Variants in SYNPR observed in about 807,000 individuals in gnomAD.
SYNPR encodes synaptoporin.
Under a neutral mutation model 32.9 loss-of-function variants are expected in SYNPR, and 23 were observed. The observed-to-expected ratio is 0.70, with a 90% confidence interval of 0.50 to 0.99. The LOEUF is 0.99. SYNPR is among the 50% of genes least tolerant of loss of function. The pLI is 0.00. For missense variants in SYNPR, 318 were observed against 349.3 expected (o/e 0.91, Z 0.71); for synonymous variants, 146 against 135.9 (o/e 1.07, Z -0.52).
chr3:63,518,839 G>T (rs749195826), intron 3 of SYNPR, among the ~76,000 whole-genome samples: 4 of 152,034 alleles, frequency 2.6e-5, no homozygotes, highest in African/African-American at 9.7e-5. Flanking sequence ...TATACCCAAG[G>T]AATATAAATT....
At chr3:63,420,817 A>G (rs936524664) in intron 2 of SYNPR, among the ~76,000 whole-genome samples, 1 of 152,208 alleles carries the variant, frequency 6.6e-6, no homozygotes, top group Non-Finnish European at 1.5e-5. Context: ...TAAAGAACTT[A>G]TAAATCAGTG....
chr3:63,571,234 T>G (rs1702880067), intron 4 of SYNPR, among the ~76,000 whole-genome samples: 1 of 152,188 alleles, frequency 6.6e-6, no homozygotes, highest in African/African-American at 2.4e-5. Flanking sequence ...AAAGTTTTAC[T>G]GTTGTGCACT....
Position 63,352,295 on chromosome 3 carries a change from C to A in SYNPR, c.84+73553C>A, listed in dbSNP as rs535731512. ...GGAAGGATTCTTGAAAATCCTCTCACCCAGTTCTCGAAGTGAATAAAAGAA... is the reference window on the plus strand; with the variant it reads ...GGAAGGATTCTTGAAAATCCTCTCAACCAGTTCTCGAAGTGAATAAAAGAA... On this transcript the variant is annotated intron_variant, in intron 2 of 5. Coordinates refer to ENST00000478300, the MANE Select transcript of SYNPR (RefSeq NM_001130003.2). 3.9e-5 allele frequency among the ~76,000 whole-genome samples: 6 copies of A among 152,098 alleles called. No homozygotes were observed. The South Asian group carries it at 1.0e-3, about 26-fold the overall frequency.
intron 3 of SYNPR, among the ~76,000 whole-genome samples, chr3:63,501,728 G>T (rs1359113892): frequency 1.3e-5 from 2 of 152,030 alleles, no homozygotes; most frequent in African/African-American, 4.8e-5. Flanking sequence ...AGAAAATTCT[G>T]TATCTAATCA....
At chr3:63,477,879 GC>G (rs1370212467) in intron 2 of SYNPR, among the ~76,000 whole-genome samples, 1 of 152,224 alleles carries the variant, frequency 6.6e-6, no homozygotes, top group Non-Finnish European at 1.5e-5. Context: ...GCGGCTTTGA[GC>G]CAAGTATGAG....
intron 3 of SYNPR, among the ~76,000 whole-genome samples, chr3:63,555,019 A>T (rs1702571227): frequency 6.6e-6 from 1 of 151,978 alleles, no homozygotes; most frequent in African/African-American, 2.4e-5. Flanking sequence ...CAGCCTGGAC[A>T]TTATTGGTGT....
chr3:63,331,004 T>A (rs2087223536), intron 2 of SYNPR, among the ~76,000 whole-genome samples: 3 of 152,322 alleles, frequency 2.0e-5, no homozygotes, highest in Admixed American at 1.3e-4. Context: ...AGTTCACACT[T>A]GTACAGGTAA....
At chr3:63,565,840 C>T (rs978634813) in intron 4 of SYNPR, among the ~76,000 whole-genome samples, 1 of 152,208 alleles carries the variant, frequency 6.6e-6, no homozygotes, top group South Asian at 2.1e-4. Context: ...CTCTACCTGT[C>T]ACCGTGTTCA....
chr3:63,241,672 G>C (rs2086245024), intron 1 of SYNPR, among the ~76,000 whole-genome samples: 1 of 152,018 alleles, frequency 6.6e-6, no homozygotes, highest in Non-Finnish European at 1.5e-5. Context: ...AAGTGTAAGA[G>C]GAAAGCTAAG....
intron 3 of SYNPR, among the ~76,000 whole-genome samples, chr3:63,542,438 T>C (rs1156633441): frequency 6.6e-6 from 1 of 152,110 alleles, no homozygotes; most frequent in Non-Finnish European, 1.5e-5. Context: ...TAAGCCTCAG[T>C]CTCTGACTTC....
At chr3:63,446,552 A>G (rs1341910754) in intron 2 of SYNPR, among the ~76,000 whole-genome samples, 1 of 152,190 alleles carries the variant, frequency 6.6e-6, no homozygotes, top group Non-Finnish European at 1.5e-5. Flanking sequence ...CTGACATAGA[A>G]TCAATAAGGT....
chr3:63,401,015 G>A (rs1449575216), intron 2 of SYNPR, among the ~76,000 whole-genome samples: 3 of 151,784 alleles, frequency 2.0e-5, no homozygotes, highest in Admixed American at 1.3e-4. Context: ...TGGGGGTATA[G>A]GAATTAGATG....
intron 2 of SYNPR, among the ~76,000 whole-genome samples, chr3:63,286,344 G>C (rs2086681095): frequency 6.6e-6 from 1 of 152,166 alleles, no homozygotes; most frequent in Non-Finnish European, 1.5e-5. Context: ...ACAATCCATA[G>C]ACAATTTCGT....
At chr3:63,522,258 T>A (rs1009737566) in intron 3 of SYNPR, among the ~76,000 whole-genome samples, 3 of 152,212 alleles carry the variant, frequency 2.0e-5, no homozygotes, top group African/African-American at 7.2e-5. Flanking sequence ...CGTTCCAGTT[T>A]TATTGCTTCC....
At chr3:63,224,826 T>A (rs1351230271), upstream of SYNPR, among the ~76,000 whole-genome samples, 1 of 152,210 alleles carries the variant, frequency 6.6e-6, no homozygotes, top group Non-Finnish European at 1.5e-5. Flanking sequence ...ACAATTGTCC[T>A]TGACAGCATT....
At chr3:63,229,828 T>G (rs1321900708) in intron 1 of SYNPR, among the ~76,000 whole-genome samples, 1 of 90,462 alleles carries the variant, frequency 1.1e-5, no homozygotes, top group African/African-American at 5.9e-5. Context: ...TTTTGGCCAT[T>G]ACTTTTAATG....
At chr3:63,412,076 G>T (rs934503731) in intron 2 of SYNPR, among the ~76,000 whole-genome samples, 1 of 152,066 alleles carries the variant, frequency 6.6e-6, no homozygotes, top group African/African-American at 2.4e-5. Context: ...TGGAGATAGA[G>T]TTAGGAAGCA....
intron 2 of SYNPR, among the ~76,000 whole-genome samples, chr3:63,416,389 A>T (rs1490947579): frequency 6.6e-6 from 1 of 152,050 alleles, no homozygotes; most frequent in Non-Finnish European, 1.5e-5. Context: ...AAAATTAGCC[A>T]GGCGTGGTGG....
intron 2 of SYNPR, among the ~76,000 whole-genome samples, chr3:63,465,358 GA>G (rs923783197): frequency 3.3e-5 from 5 of 151,948 alleles, no homozygotes; most frequent in African/African-American, 1.2e-4. Flanking sequence ...TAATAGAAGA[GA>G]GTGAAATTTC....
Sources: allele counts gnomAD v4.1 joint callset (sites outside exome capture counted in the v4.1 genomes callset), GRCh38; gene constraint gnomAD v4.1.1; transcripts MANE v1.5; gene names NCBI Gene and HGNC (gene_info 2026-07-23, HGNC 2026-07-21).